RBFOX1: variants seen among roughly 807,000 people sequenced by gnomAD.
The protein encoded by RBFOX1 is RNA binding protein fox-1 homolog 1.
In RBFOX1, 8 loss-of-function variants were observed where a neutral mutation model predicts 57.7. The ratio of observed to expected loss-of-function variants is 0.14; its 90% confidence interval spans 0.08 to 0.25. The LOEUF is 0.25. Ranked by LOEUF, RBFOX1 falls within the 10% of genes least tolerant of loss-of-function variation. The pLI, the probability that RBFOX1 is intolerant of heterozygous loss-of-function variation, is 1.00. For synonymous variants in RBFOX1, 326 were observed against 222.4 expected, an observed-to-expected ratio of 1.47 and a Z score of -4.15; for missense variants, 611 against 548.5, an observed-to-expected ratio of 1.11 and a Z score of -1.14.
chr16:7,034,799 C>T (rs11077127), intron 3 of RBFOX1, among the ~76,000 whole-genome samples: 2 of 122,148 alleles, frequency 1.6e-5, no homozygotes. Flanking sequence ...TTCACTTGGT[C>T]TGGGGTGGAG....
At chr16:6,521,853 C>T (rs1036776655) in intron 2 of RBFOX1, among the ~76,000 whole-genome samples, 1 of 152,044 alleles carries the variant, frequency 6.6e-6, no homozygotes, top group African/African-American at 2.4e-5. Context: ...AGAGTTAGGA[C>T]TAAGAAATGA....
chr16:6,712,329 G>C (rs1861039), intron 3 of RBFOX1, among the ~76,000 whole-genome samples: 149,147 of 152,226 alleles, frequency 0.98, 73,145 homozygotes, highest in Middle Eastern at 1. Context: ...ACCCATTTGC[G>C]CATGTGTGCC....
chr16:6,067,145 C>G (rs1250209589), intron 1 of RBFOX1, among the ~76,000 whole-genome samples: 1 of 152,138 alleles, frequency 6.6e-6, no homozygotes, highest in African/African-American at 2.4e-5. Flanking sequence ...TTGTGCATTG[C>G]TAAGTTCATG....
intron 1 of RBFOX1, among the ~76,000 whole-genome samples, chr16:6,094,919 G>A (rs748434109): frequency 1.6e-4 from 24 of 152,166 alleles, no homozygotes; most frequent in Non-Finnish European, 2.9e-4. Flanking sequence ...AGTTACTAAG[G>A]GATGGTGGTG....
At chr16:6,611,402 C>T (rs1359205939) in intron 2 of RBFOX1, among the ~76,000 whole-genome samples, 1 of 152,218 alleles carries the variant, frequency 6.6e-6, no homozygotes, top group Non-Finnish European at 1.5e-5. Flanking sequence ...CTGCCTCAGC[C>T]TCCCAAAGTG....
At chr16:5,794,781 C>A (rs949673937) in intron 3 of RBFOX1, among the ~76,000 whole-genome samples, 1 of 152,170 alleles carries the variant, frequency 6.6e-6, no homozygotes, top group Non-Finnish European at 1.5e-5. Context: ...TTAATTAACT[C>A]CTGACTGCTA....
chr16:5,762,279 G>A (rs1029337657), intron 3 of RBFOX1, among the ~76,000 whole-genome samples: 2 of 151,720 alleles, frequency 1.3e-5, no homozygotes, highest in African/African-American at 4.8e-5. Context: ...GTTCAGACTG[G>A]GTAGCAACAA....
intron 1 of RBFOX1, among the ~76,000 whole-genome samples, chr16:6,137,689 C>G (rs1049876619): frequency 3.5e-5 from 5 of 141,304 alleles, no homozygotes; most frequent in Non-Finnish European, 6.0e-5. Context: ...TCATGGCTTA[C>G]TACAGCCTCA....
chr16:5,482,567 C>G (rs1004367718), intron 2 of RBFOX1, among the ~76,000 whole-genome samples: 3 of 152,152 alleles, frequency 2.0e-5, no homozygotes, highest in East Asian at 3.9e-4. Flanking sequence ...TGATGCCTAT[C>G]AATTGTAGGG....
At chr16:6,054,581 T>C (rs141795025) in intron 1 of RBFOX1, among the ~76,000 whole-genome samples, 226 of 152,266 alleles carry the variant, frequency 1.5e-3, no homozygotes, top group African/African-American at 4.9e-3. Flanking sequence ...CCATGATTCA[T>C]ATTGGGTCTA....
intron 14 of RBFOX1, among the ~76,000 whole-genome samples, chr16:7,708,146 C>A (rs1598647294): frequency 6.6e-6 from 1 of 152,154 alleles, no homozygotes; most frequent in East Asian, 1.9e-4. Flanking sequence ...TTGAACCAAC[C>A]TGAGTAACAT....
At chr16:6,281,033 T>C (rs561734469) in intron 1 of RBFOX1, among the ~76,000 whole-genome samples, 1 of 152,154 alleles carries the variant, frequency 6.6e-6, no homozygotes, top group East Asian at 1.9e-4. Context: ...TATGTATGTA[T>C]ATGCTATCAA....
chr16:7,032,634 T>A (rs902389768), intron 3 of RBFOX1, among the ~76,000 whole-genome samples: 1 of 152,252 alleles, frequency 6.6e-6, no homozygotes, highest in Middle Eastern at 3.4e-3. Context: ...TTTTCCCTCC[T>A]CAAGCTAATT....
intron 1 of RBFOX1, among the ~76,000 whole-genome samples, chr16:6,292,384 T>C (rs2077565611): frequency 6.7e-6 from 1 of 150,142 alleles, no homozygotes; most frequent in South Asian, 2.1e-4. Flanking sequence ...TTTTTTTTTT[T>C]AAGAAAAACC....
chr16:7,534,585 G>C (rs2081030304), intron 5 of RBFOX1, among the ~76,000 whole-genome samples: 1 of 152,100 alleles, frequency 6.6e-6, no homozygotes, highest in Non-Finnish European at 1.5e-5. Flanking sequence ...AGTCAGTTTT[G>C]GGTAAAGTCG....
At chr16:5,882,020 A>G (rs559858397) in intron 4 of RBFOX1, among the ~76,000 whole-genome samples, 20 of 152,296 alleles carry the variant, frequency 1.3e-4, no homozygotes, top group African/African-American at 4.6e-4. Flanking sequence ...CTTAATCTCA[A>G]TTATTCCCCA....
intron 1 of RBFOX1, among the ~76,000 whole-genome samples, chr16:6,082,942 A>T (rs1186232004): frequency 6.6e-6 from 1 of 152,064 alleles, no homozygotes; most frequent in Non-Finnish European, 1.5e-5. Flanking sequence ...CACTGCTCTC[A>T]AGAGGGTCGT....
At chr16:7,250,587 C>T (rs140405111) in intron 4 of RBFOX1, among the ~76,000 whole-genome samples, 1 of 152,180 alleles carries the variant, frequency 6.6e-6, no homozygotes, top group Admixed American at 6.5e-5. Context: ...AGAGTATATA[C>T]CCCAGGGACG....
intron 1 of RBFOX1, among the ~76,000 whole-genome samples, chr16:6,303,377 G>C (rs943694036): frequency 6.6e-6 from 1 of 151,920 alleles, no homozygotes; most frequent in African/African-American, 2.4e-5. Flanking sequence ...AGTGGAGGAT[G>C]GCTTTCTTTA....
Sources: allele counts gnomAD v4.1 joint callset (sites outside exome capture counted in the v4.1 genomes callset), GRCh38; gene constraint gnomAD v4.1.1; transcripts MANE v1.5; gene names NCBI Gene and HGNC (gene_info 2026-07-23, HGNC 2026-07-21).